Variants in PPIH observed in about 807,000 individuals in gnomAD.
The protein encoded by PPIH is peptidyl-prolyl cis-trans isomerase H.
Under a neutral mutation model 27.6 loss-of-function variants are expected in PPIH, and 16 were observed. That is an observed-to-expected ratio of 0.58 (90% CI 0.39 to 0.88). The LOEUF (loss-of-function observed/expected upper bound fraction) is 0.88. Ranked by LOEUF, PPIH falls within the 40% of genes least tolerant of loss-of-function variation. The probability of loss-of-function intolerance (pLI) is 0.00; values close to 1 mark genes in which losing one functional copy is unlikely to be tolerated. For missense variants in PPIH, 155 were observed against 224.1 expected (o/e 0.69, Z 1.97); for synonymous variants, 63 against 76.1 (o/e 0.83, Z 0.90).
Position 42,659,261 on chromosome 1 carries a change from A to G in PPIH, c.155+10A>G. The G allele has an allele frequency of 1.9e-6, 3 of 1,614,122 alleles. No homozygotes were observed. Among genetic ancestry groups the G allele is most frequent in the African/African-American group, 1.3e-5 (1 of 74,994 alleles). On this transcript the variant is annotated intron_variant, in intron 3 of 9. Coordinates refer to ENST00000304979, the MANE Select transcript of PPIH (RefSeq NM_006347.4). ...GCACCGGAGAATTCAGGTCAGTTTC[A>G]GATGTGTTTGACTTCTTTGCCTGCT...
At chr1:42,679,537 T>C (rs1649972360), downstream of PPIH, among the ~76,000 whole-genome samples, 1 of 152,228 alleles carries the variant, frequency 6.6e-6, no homozygotes, top group African/African-American at 2.4e-5. Context: ...CGAAGAGAGC[T>C]GAATGAAGTA....
Position 42,660,936 on chromosome 1 carries a change from G to A in PPIH, c.243+32G>A, listed in dbSNP as rs374948836. ...ACTATTCCTTTCCTATCAAAGACCC[G>A]TAGTTTTAGTTTTTGTTGTTATTGT... On this transcript the variant is annotated intron_variant, in intron 5 of 9. Transcript: ENST00000304979. 1.2e-4 allele frequency: 190 copies of A among 1,584,842 alleles called. 1 individual carries two copies. In the African/African-American group the frequency reaches 2.3e-3, roughly 19 times the overall value.
Position 42,664,942 on chromosome 1 carries a change from G to T in PPIH, c.323G>T (p.Gly108Val). Reference protein sequence around the residue: ...ENFKLRHSAPGLLSMANSGPS... With the variant: ...ENFKLRHSAPVLLSMANSGPS... ...TTTAAACTTAGACACTCAGCTCCAGGCCTGCTTTCCATGGTAAGTGAGGTC... is the reference window on the plus strand; with the variant it reads ...TTTAAACTTAGACACTCAGCTCCAGTCCTGCTTTCCATGGTAAGTGAGGTC... The change falls in exon 6 of 10, where the codon GGC becomes GTC. Residue 108 changes from glycine (G) to valine (V), a missense_variant. Coordinates refer to ENST00000304979, the MANE Select transcript of PPIH (RefSeq NM_006347.4). 1 of 1,613,828 alleles carries T rather than the reference G, an allele frequency of 6.2e-7. No homozygotes were observed. Among genetic ancestry groups the T allele is most frequent in the Non-Finnish European group, 8.5e-7 (1 of 1,179,850 alleles).
At chr1:42,671,196 A>C (rs972650649) in intron 9 of PPIH, among the ~76,000 whole-genome samples, 3 of 152,178 alleles carry the variant, frequency 2.0e-5, no homozygotes, top group African/African-American at 7.2e-5. Context: ...TGGGAGGCCG[A>C]AGCAGGTGGA....
intron 6 of PPIH, 97 bp downstream of exon 6, chr1:42,665,052 T>C: frequency 5.9e-6 from 6 of 1,020,100 alleles, no homozygotes; most frequent in Admixed American, 2.3e-5. Context: ...AGCAAATGCT[T>C]TCCTTCTCTT....
intron 9 of PPIH, among the ~76,000 whole-genome samples, chr1:42,668,232 C>A (rs963375513): frequency 6.6e-6 from 1 of 152,028 alleles, no homozygotes; most frequent in Non-Finnish European, 1.5e-5. Flanking sequence ...ACCTTGAACA[C>A]CAATATATCT....
chr1:42,677,427 G>A (rs1649924320), downstream of PPIH, among the ~76,000 whole-genome samples: 3 of 152,280 alleles, frequency 2.0e-5, no homozygotes, highest in South Asian at 4.1e-4. Flanking sequence ...AGCCGAGATC[G>A]CGCCACTGCA....
At chr1:42,681,566 T>C (rs1014932615), downstream of PPIH, 2 of 152,196 alleles carry the variant, frequency 1.3e-5, no homozygotes, top group African/African-American at 4.8e-5. Context: ...GAAACGTGGA[T>C]AGTAATCCCT....
At chr1:42,678,454 CA>C (rs778402272), downstream of PPIH, among the ~76,000 whole-genome samples, 13 of 152,212 alleles carry the variant, frequency 8.5e-5, no homozygotes, top group Non-Finnish European at 1.5e-4. Context: ...GGCTGCAGTG[CA>C]ATGGCGCGAT....
chr1:42,679,592 G>A (rs964514484), downstream of PPIH, among the ~76,000 whole-genome samples: 3 of 152,236 alleles, frequency 2.0e-5, no homozygotes, highest in African/African-American at 7.2e-5. Flanking sequence ...ACATTGAAAA[G>A]ACAGATGTTA....
At chr1:42,670,726 T>G (rs540503733) in intron 9 of PPIH, among the ~76,000 whole-genome samples, 1 of 152,342 alleles carries the variant, frequency 6.6e-6, no homozygotes, top group African/African-American at 2.4e-5. Flanking sequence ...ACCAGCCCCA[T>G]GTGACAACGG....
intron 9 of PPIH, among the ~76,000 whole-genome samples, chr1:42,667,777 C>T (rs1025034924): frequency 3.9e-5 from 6 of 152,160 alleles, no homozygotes; most frequent in African/African-American, 1.4e-4. Context: ...TTCAGTAGTC[C>T]CCCTAGAAAG....
chr1:42,667,398 C>G lies in PPIH; in HGVS notation c.513C>G (p.Ile171Met). The change falls in exon 9 of 10, where the codon ATC (isoleucine) becomes ATG (methionine). Residue 171 changes from isoleucine (I) to methionine (M), a missense_variant. By Grantham distance (10) the Ile-to-Met change is conservative. Transcript: ENST00000304979. ...ATAAGCCCAAGCTACCTGTGGTGAT[C>G]TCGCAGTGTGGGGAGATGTAGTCCA... ...PNNKPKLPVV[I>M]SQCGEM is the part of the protein sequence containing the mutation. The G allele has an allele frequency of 1.9e-6, 3 of 1,607,936 alleles. No individual in the cohort carries two copies. The highest frequency in any genetic ancestry group is 2.6e-6 in the Non-Finnish European group (3 of 1,174,440).
intron 5 of PPIH, 53 bp downstream of exon 5, chr1:42,660,957 A>T (rs575487334): frequency 2.7e-6 from 4 of 1,502,812 alleles, no homozygotes; most frequent in South Asian, 1.1e-5. Flanking sequence ...TTTTGTTGTT[A>T]TTGTTGCAAT....
At position 42,660,905 on chromosome 1, in the gene PPIH, G is replaced by GT. The variant is rs1446306098; in HGVS notation, c.243+2dup. ...GATTCAGGGTGGAGATTTTGTTAATGTAAGTACTATTCCTTTCCTATCAAA... is the reference window on the plus strand; with the variant it reads ...GATTCAGGGTGGAGATTTTGTTAATGTTAAGTACTATTCCTTTCCTATCAAA... On this transcript the variant is annotated splice_donor_variant, in intron 5 of 9. Transcript: ENST00000304979. LOFTEE classifies it high-confidence loss of function. 2 of 1,608,912 alleles carry GT rather than the reference G, an allele frequency of 1.2e-6. No individual in the cohort carries two copies. The highest frequency in any genetic ancestry group is 1.7e-6 in the Non-Finnish European group (2 of 1,175,832).
chr1:42,674,204 C>T (rs975999908), intron 9 of PPIH, among the ~76,000 whole-genome samples: 2 of 152,174 alleles, frequency 1.3e-5, no homozygotes, highest in Non-Finnish European at 2.9e-5. Context: ...CCCGGATCTT[C>T]CCAGAGTGGT....
intron 9 of PPIH, among the ~76,000 whole-genome samples, chr1:42,674,349 G>C (rs537127874): frequency 6.6e-6 from 1 of 152,380 alleles, no homozygotes; most frequent in East Asian, 1.9e-4. Context: ...GGAAACAGCA[G>C]GAAGTGTAGA....
chr1:42,659,827 T>A (rs1334825110), intron 4 of PPIH, among the ~76,000 whole-genome samples: 1 of 152,246 alleles, frequency 6.6e-6, no homozygotes, highest in African/African-American at 2.4e-5. Context: ...GCAGATTTTT[T>A]AAAAAGTACA....
intron 9 of PPIH, among the ~76,000 whole-genome samples, chr1:42,670,549 TTATA>T (rs1649572195): frequency 2.6e-5 from 4 of 151,798 alleles, no homozygotes; most frequent in Non-Finnish European, 5.9e-5. Context: ...TTAGCAAAAG[TTATA>T]TGAACTTTTG....
Sources: allele counts gnomAD v4.1 joint callset (sites outside exome capture counted in the v4.1 genomes callset), GRCh38; gene constraint gnomAD v4.1.1; transcripts MANE v1.5; gene names NCBI Gene and HGNC (gene_info 2026-07-23, HGNC 2026-07-21).